Variants in PTPRD observed in about 807,000 individuals in gnomAD.
PTPRD encodes receptor-type tyrosine-protein phosphatase delta.
Under a neutral mutation model 214.5 loss-of-function variants are expected in PTPRD, and 34 were observed. The observed-to-expected ratio is 0.16, with a 90% CI of 0.12 to 0.21. The LOEUF is 0.21. PTPRD is among the 10% of genes least tolerant of loss of function. The pLI is 1.00. For synonymous variants in PTPRD, 1,128 were observed against 845.7 expected, an observed-to-expected ratio of 1.33 and a Z score of -5.79; for missense variants, 2,545 against 2,398.7, an observed-to-expected ratio of 1.06 and a Z score of -1.27.
At position 9,643,208 on chromosome 9, in the gene PTPRD, T is replaced by C. The variant is rs574353509; in HGVS notation, c.-286-68427A>G. Among the ~76,000 whole-genome samples, 48 of 152,310 alleles carry C rather than the reference T, an allele frequency of 3.2e-4. 1 individual carries two copies. In the South Asian group the frequency reaches 9.9e-3, roughly 32 times the overall value. ...TTAGAATGTCCTTTGCAAAATCCTG[T>C]ATGACAGAAGTCTGGAGATTTTTAT... On this transcript the variant is annotated intron_variant, in intron 7 of 45. Coordinates refer to ENST00000381196, the MANE Select transcript of PTPRD (RefSeq NM_002839.4).
intron 8 of PTPRD, among the ~76,000 whole-genome samples, chr9:9,535,604 T>C (rs2076351041): frequency 6.6e-6 from 1 of 151,962 alleles, no homozygotes; most frequent in Non-Finnish European, 1.5e-5. Flanking sequence ...GTGAAAATAT[T>C]TTTTTTCTTT....
At chr9:9,595,627 A>T (rs771302046) in intron 7 of PTPRD, among the ~76,000 whole-genome samples, 9 of 151,884 alleles carry the variant, frequency 5.9e-5, no homozygotes, top group Non-Finnish European at 1.0e-4. Flanking sequence ...AAAGGAATGA[A>T]TTAATGGCCT....
chr9:10,018,230 C>T (rs909488093), intron 4 of PTPRD, among the ~76,000 whole-genome samples: 5 of 151,090 alleles, frequency 3.3e-5, no homozygotes, highest in African/African-American at 4.9e-5. Context: ...GGGAGGAAGA[C>T]AAAAGAAAAG....
chr9:9,154,879 TA>T (rs2154490981), intron 10 of PTPRD, among the ~76,000 whole-genome samples: 1 of 152,294 alleles, frequency 6.6e-6, no homozygotes, highest in African/African-American at 2.4e-5. Flanking sequence ...AAAATATTAT[TA>T]GGTAGAATTT....
intron 14 of PTPRD, among the ~76,000 whole-genome samples, chr9:8,607,289 C>G (rs2095263359): frequency 1.3e-5 from 2 of 152,140 alleles, no homozygotes; most frequent in South Asian, 4.1e-4. Context: ...TGGTAAGTAT[C>G]TACAATTTTG....
chr9:9,029,361 C>T (rs1348576922), intron 10 of PTPRD, among the ~76,000 whole-genome samples: 1 of 151,470 alleles, frequency 6.6e-6, no homozygotes, highest in East Asian at 1.9e-4. Flanking sequence ...TTAGGAGGGG[C>T]TAGAGATTAG....
intron 7 of PTPRD, among the ~76,000 whole-genome samples, chr9:9,601,217 A>G (rs1334980715): frequency 6.6e-5 from 10 of 151,486 alleles, no homozygotes; most frequent in African/African-American, 2.4e-4. Flanking sequence ...TTAACTTGCT[A>G]TAATATTTGA....
intron 11 of PTPRD, among the ~76,000 whole-genome samples, chr9:8,772,240 C>T (rs942684890): frequency 6.6e-6 from 1 of 151,932 alleles, no homozygotes; most frequent in South Asian, 2.1e-4. Flanking sequence ...GTTCATTAAC[C>T]TTTTCTTCTG....
intron 3 of PTPRD, among the ~76,000 whole-genome samples, chr9:10,251,225 G>C (rs1376684945): frequency 6.6e-6 from 1 of 151,998 alleles, no homozygotes; most frequent in Admixed American, 6.6e-5. Context: ...CACTATGCTA[G>C]GCACTTTCAT....
chr9:10,118,896 A>T (rs897577610), intron 3 of PTPRD, among the ~76,000 whole-genome samples: 1 of 142,602 alleles, frequency 7.0e-6, no homozygotes, highest in African/African-American at 2.5e-5. Context: ...ATAAATAAAT[A>T]AATAATAATA....
intron 9 of PTPRD, among the ~76,000 whole-genome samples, chr9:9,258,358 G>A (rs781163280): frequency 6.6e-6 from 1 of 151,842 alleles, no homozygotes; most frequent in African/African-American, 2.4e-5. Context: ...TTTAGAGCTG[G>A]CTATTATGGT....
At chr9:8,738,028 T>G (rs1177665227) in intron 11 of PTPRD, among the ~76,000 whole-genome samples, 2 of 152,180 alleles carry the variant, frequency 1.3e-5, no homozygotes, top group Non-Finnish European at 2.9e-5. Context: ...AAAAAATTTA[T>G]AACTCCCCGG....
chr9:8,716,155 C>G (rs1031557867), intron 12 of PTPRD, among the ~76,000 whole-genome samples: 1 of 152,184 alleles, frequency 6.6e-6, no homozygotes, highest in African/African-American at 2.4e-5. Flanking sequence ...TAACTTGACT[C>G]CAGAGGATGG....
At position 9,561,425 on chromosome 9, in the gene PTPRD, A is replaced by C. The variant is rs545771472; in HGVS notation, c.-237+13307T>G. 2.2e-4 allele frequency among the ~76,000 whole-genome samples: 34 copies of C among 152,348 alleles called. No homozygotes were observed. The Middle Eastern group carries it at 0.02, about 91-fold the overall frequency. ...ACTGTGCCTCACGTATTGGTCACGC[A>C]TATTTGACGCAGAATAAATCCATTC... On this transcript the variant is annotated intron_variant, in intron 8 of 45. Coordinates refer to ENST00000381196, the MANE Select transcript of PTPRD (RefSeq NM_002839.4).
chr9:8,934,486 T>TAA (rs2098980790), intron 11 of PTPRD, among the ~76,000 whole-genome samples: 2 of 10,180 alleles, frequency 2.0e-4, no homozygotes, highest in African/African-American at 3.0e-4. Context: ...TAAATATATA[T>TAA]ATATATAAAT....
At chr9:10,446,292 G>C (rs1566086953) in intron 2 of PTPRD, among the ~76,000 whole-genome samples, 1 of 151,806 alleles carries the variant, frequency 6.6e-6, no homozygotes, top group African/African-American at 2.4e-5. Flanking sequence ...GGAATATGAA[G>C]AGAGTAGGAA....
At chr9:10,559,044 G>A (rs2063253023) in intron 2 of PTPRD, among the ~76,000 whole-genome samples, 1 of 152,068 alleles carries the variant, frequency 6.6e-6, no homozygotes, top group Non-Finnish European at 1.5e-5. Context: ...TGGAGACAAG[G>A]TTAAGTAAGC....
At chr9:10,570,308 T>C (rs187483037) in intron 2 of PTPRD, among the ~76,000 whole-genome samples, 627 of 152,254 alleles carry the variant, frequency 4.1e-3, no homozygotes, top group Non-Finnish European at 7.2e-3. Context: ...GTCCAAAGGA[T>C]ATTACCACCT....
At chr9:8,419,168 C>G (rs955562738) in intron 35 of PTPRD, among the ~76,000 whole-genome samples, 33 of 149,448 alleles carry the variant, frequency 2.2e-4, no homozygotes, top group African/African-American at 7.9e-4. Flanking sequence ...TCGCAGTGAG[C>G]TGAGATGAGA....
Sources: allele counts gnomAD v4.1 joint callset (sites outside exome capture counted in the v4.1 genomes callset), GRCh38; gene constraint gnomAD v4.1.1; transcripts MANE v1.5; gene names NCBI Gene and HGNC (gene_info 2026-07-23, HGNC 2026-07-21).